CRHBP: variants seen among roughly 807,000 people sequenced by gnomAD.
CRHBP encodes corticotropin-releasing hormone-binding protein.
Under a neutral mutation model 34.9 loss-of-function variants are expected in CRHBP, and 19 were observed. The observed-to-expected ratio is 0.55, with a 90% CI of 0.38 to 0.80. The LOEUF (loss-of-function observed/expected upper bound fraction) is 0.80. Ranked by LOEUF, CRHBP falls within the 30% of genes least tolerant of loss-of-function variation. The pLI, the probability that CRHBP is intolerant of heterozygous loss-of-function variation, is 0.00. For missense variants in CRHBP, 328 were observed against 409.2 expected, an observed-to-expected ratio of 0.80 and a Z score of 1.71; for synonymous variants, 154 against 153.4, an observed-to-expected ratio of 1.00 and a Z score of -0.03.
downstream of CRHBP, among the ~76,000 whole-genome samples, chr5:76,970,757 C>T (rs1745932828): frequency 6.6e-6 from 1 of 152,152 alleles, no homozygotes; most frequent in Non-Finnish European, 1.5e-5. Flanking sequence ...GAGTAAAATA[C>T]ACTTTTCTAT....
Position 76,969,172 on chromosome 5 carries a change from C to A in CRHBP, c.*287C>A. Reference sequence around the variant, plus strand: ...TGTAATTCTTTGATGTGCTACAAACCTGAAACTGGTAAGACAAGCACAAAG... The same window carrying A: ...TGTAATTCTTTGATGTGCTACAAACATGAAACTGGTAAGACAAGCACAAAG... On this transcript the variant is annotated 3_prime_UTR_variant, in exon 7 of 7. Coordinates refer to ENST00000274368, the MANE Select transcript of CRHBP (RefSeq NM_001882.4). 1 of 274,268 alleles carries A rather than the reference C, an allele frequency of 3.6e-6. No homozygotes were observed. Among genetic ancestry groups the A allele is most frequent in the Non-Finnish European group, 6.8e-6 (1 of 147,266 alleles). The allele number at this position is 274,268 out of a possible 1,614,324, so 17.0% of individuals were successfully genotyped here.
chr5:76,953,272 C>CCTGCCTGCCGCCT, intron 1 of CRHBP, 57 bp downstream of exon 1: 1 of 1,534,628 alleles, frequency 6.5e-7, no homozygotes, highest in Non-Finnish European at 9.0e-7. Flanking sequence ...CCCTAGGCGG[C>CCTGCCTGCCGCCT]AGGCAGGCTG....
At chr5:76,968,294 AC>A (rs577531457) in intron 6 of CRHBP, among the ~76,000 whole-genome samples, 57 of 150,480 alleles carry the variant, frequency 3.8e-4, no homozygotes, top group African/African-American at 1.2e-3. Flanking sequence ...TAGATCGGTG[AC>A]AACCAAAAAC....
rs1745593427 is a variant in CRHBP, at chr5:76,953,062, C to T, written c.-73C>T. ...ACCCTACCAGCTTCTAGCTCTCAGT[C>T]TGCGCGAGGGTGTAGGAAGGAAAGC... is the stretch of plus-strand genomic sequence containing the variant. On this transcript the variant is annotated 5_prime_UTR_variant, in exon 1 of 7. Transcript: ENST00000274368. 2 of 1,485,858 alleles carry T rather than the reference C, an allele frequency of 1.3e-6. No individual in the cohort carries two copies. Among genetic ancestry groups the T allele is most frequent in the Admixed American group, 1.7e-5 (1 of 59,442 alleles). 92.0% of individuals were successfully genotyped at this position (1,485,858 alleles called of 1,614,324 possible). A position where few individuals can be genotyped will look rare whatever the true frequency, so the allele number is the denominator to read the frequency against.
At chr5:76,958,048 A>G (rs1745716593) in intron 4 of CRHBP, among the ~76,000 whole-genome samples, 1 of 151,782 alleles carries the variant, frequency 6.6e-6, no homozygotes, top group African/African-American at 2.4e-5. Context: ...AGTCCCAGCT[A>G]CTCAGGAGGC....
chr5:76,953,296 C>G, intron 1 of CRHBP, 81 bp downstream of exon 1: 1 of 1,329,802 alleles, frequency 7.5e-7, no homozygotes, highest in Non-Finnish European at 1.1e-6. Flanking sequence ...CTGCTCGCAG[C>G]CTTTTGGGGT....
chr5:76,953,668 G>C lies in CRHBP; in HGVS notation c.149G>C (p.Gly50Ala). The change falls in exon 2 of 7, where the codon GGG becomes GCG. Residue 50 changes from glycine (G) to alanine (A), a missense_variant. By Grantham distance (60) the Gly-to-Ala change is moderately conservative. This residue lies in a region of CRHBP where 173 missense variants were observed against 172.2 expected (regional missense o/e 1.00). Transcript: ENST00000274368. ...FSANLKRELA[G>A]EQPYRRALRC... ...GCCAACCTGAAGCGGGAGCTGGCTG[G>C]GGAGCAGCCGTACCGCCGCGCTCTG... The C allele has an allele frequency of 6.2e-7, 1 of 1,609,400 alleles. No homozygotes were observed. Among genetic ancestry groups the C allele is most frequent in the Non-Finnish European group, 8.5e-7 (1 of 1,178,468 alleles).
intron 5 of CRHBP, among the ~76,000 whole-genome samples, chr5:76,962,821 T>A (rs1745799588): frequency 6.6e-6 from 1 of 152,078 alleles, no homozygotes; most frequent in Non-Finnish European, 1.5e-5. Context: ...AAAATTCTTA[T>A]TGTTAGAAAT....
chr5:76,963,592 T>G, intron 6 of CRHBP, 132 bp downstream of exon 6: 1 of 695,696 alleles, frequency 1.4e-6, no homozygotes, highest in Non-Finnish European at 2.5e-6. Context: ...TGAGCCAGTA[T>G]GAGGATTTGA....
In CRHBP at chr5:76,968,936, C is replaced by T. The variant is rs371326021; in HGVS notation, c.*51C>T. 1,256 of 1,585,044 alleles carry T rather than the reference C, an allele frequency of 7.9e-4. 3 individuals are homozygous for T. The highest frequency in any genetic ancestry group is 1.0e-3 in the Middle Eastern group (6 of 5,942). On this transcript the variant is annotated 3_prime_UTR_variant, in exon 7 of 7. Coordinates refer to ENST00000274368, the MANE Select transcript of CRHBP (RefSeq NM_001882.4). ...TGATAGCTAAGTGAGTTTTTAATGGCCATTGTGTATGATTTTGATGCACAA... is the reference window on the plus strand; with the variant it reads ...TGATAGCTAAGTGAGTTTTTAATGGTCATTGTGTATGATTTTGATGCACAA...
intron 6 of CRHBP, among the ~76,000 whole-genome samples, chr5:76,965,574 G>A (rs115290614): frequency 0.018 from 2,719 of 152,202 alleles, 77 homozygotes; most frequent in African/African-American, 0.062. Flanking sequence ...TACCTCAGCT[G>A]GGTTAAAAAG....
At chr5:76,955,552 T>G in intron 3 of CRHBP, 101 bp from the exon 4 acceptor site, 1 of 979,654 alleles carries the variant, frequency 1.0e-6, no homozygotes. Context: ...CACTTATGAC[T>G]GAAGGCCCAT....
At position 76,955,864 on chromosome 5, in the gene CRHBP, G is replaced by C. The variant is rs1226118355; in HGVS notation, c.544+1G>C. 1 of 1,613,004 alleles carries C rather than the reference G, an allele frequency of 6.2e-7. No homozygotes were observed. Among genetic ancestry groups the C allele is most frequent in the Non-Finnish European group, 8.5e-7 (1 of 1,179,334 alleles). On this transcript the variant is annotated splice_donor_variant, in intron 4 of 6. Transcript: ENST00000274368. LOFTEE classifies it high-confidence loss of function. ...ATAAAGACAGACCCCAACCTCTTTC[G>C]TAAGTGTTCTCAGTCAAAAGGCAGA...
chr5:76,972,628 A>G (rs1257037718), downstream of CRHBP, among the ~76,000 whole-genome samples: 1 of 152,174 alleles, frequency 6.6e-6, no homozygotes, highest in African/African-American at 2.4e-5. Flanking sequence ...CACTGCACCC[A>G]GCCTTGTGGA....
chr5:76,980,768 A>G (rs964379034), intron 3 of CRHBP, among the ~76,000 whole-genome samples: 7 of 152,202 alleles, frequency 4.6e-5, no homozygotes, highest in Admixed American at 3.9e-4. Context: ...AGGGAAGGAG[A>G]ACATCTGATT....
intron 3 of CRHBP, among the ~76,000 whole-genome samples, chr5:76,977,149 G>A (rs369158123): frequency 2.0e-5 from 3 of 152,290 alleles, no homozygotes; most frequent in South Asian, 4.1e-4. Flanking sequence ...CTGGTGTAAC[G>A]TTCTGTAAGG....
At chr5:76,960,193 G>A (rs1179807910) in intron 5 of CRHBP, among the ~76,000 whole-genome samples, 1 of 152,170 alleles carries the variant, frequency 6.6e-6, no homozygotes, top group African/African-American at 2.4e-5. Flanking sequence ...ATGGAGAGGC[G>A]CGGGGCTACT....
intron 6 of CRHBP, among the ~76,000 whole-genome samples, chr5:76,965,989 C>T (rs562656800): frequency 1.4e-4 from 21 of 152,254 alleles, no homozygotes; most frequent in South Asian, 6.2e-4. Context: ...CTCAAGGGCC[C>T]GGTTACAAAA....
At chr5:76,979,669 G>A (rs1051973291) in intron 3 of CRHBP, among the ~76,000 whole-genome samples, 6 of 152,088 alleles carry the variant, frequency 3.9e-5, no homozygotes, top group African/African-American at 1.4e-4. Context: ...TTTAAATTAA[G>A]GTATGTACAT....
Sources: gnomAD v4.1 joint callset for allele counts (sites outside exome capture counted in the v4.1 genomes callset) on GRCh38, gnomAD v4.1.1 for gene constraint, gnomAD v4.1.1 regional missense constraint, MANE v1.5 for transcripts, NCBI Gene and HGNC (gene_info 2026-07-23, HGNC 2026-07-21) for gene names.